The following AHCYL2 variants were observed in gnomAD, a reference collection of about 807,000 sequenced individuals.
AHCYL2 encodes the protein S-adenosylhomocysteine hydrolase-like protein 2.
In AHCYL2, 28 loss-of-function variants were observed where a neutral mutation model predicts 81.4. The ratio of observed to expected loss-of-function variants is 0.34; its 90% CI spans 0.25 to 0.47. The LOEUF (loss-of-function observed/expected upper bound fraction) is 0.47, where lower values mean the gene tolerates loss of function less well. AHCYL2 is among the 20% of genes least tolerant of loss of function. The pLI is 1.00. For synonymous variants in AHCYL2, 272 were observed against 290.2 expected (o/e 0.94, Z 0.64); for missense variants, 551 against 785.1 (o/e 0.70, Z 3.56).
At chr7:129,236,400 G>A (rs1157269567) in intron 1 of AHCYL2, among the ~76,000 whole-genome samples, 1 of 151,778 alleles carries the variant, frequency 6.6e-6, no homozygotes, top group Non-Finnish European at 1.5e-5. Flanking sequence ...GAGGTTTCAC[G>A]GTGTTGCCCA....
chr7:129,345,608 C>T (rs542963935), intron 1 of AHCYL2, among the ~76,000 whole-genome samples: 2 of 151,998 alleles, frequency 1.3e-5, no homozygotes, highest in Non-Finnish European at 2.9e-5. Flanking sequence ...TAGTCTAGAC[C>T]GTTGATGACT....
chr7:129,425,189 T>C (rs1176271538), intron 15 of AHCYL2, 48 bp downstream of exon 15: 2 of 1,566,590 alleles, frequency 1.3e-6, no homozygotes, highest in Non-Finnish European at 8.7e-7. Flanking sequence ...TAGTTCAGAG[T>C]CTGAGGTTAA....
chr7:129,327,169 G>A (rs1053603545), intron 1 of AHCYL2, among the ~76,000 whole-genome samples: 10 of 152,178 alleles, frequency 6.6e-5, no homozygotes, highest in Admixed American at 2.0e-4. Flanking sequence ...TTGGGAGGTA[G>A]TTAGGTTTAA....
intron 1 of AHCYL2, among the ~76,000 whole-genome samples, chr7:129,338,876 T>C (rs942640412): frequency 2.0e-5 from 3 of 152,274 alleles, no homozygotes; most frequent in Admixed American, 1.3e-4. Flanking sequence ...TAGTGTCTTA[T>C]GTAGTTTGTG....
At chr7:129,421,273 G>A (rs569660234) in intron 12 of AHCYL2, among the ~76,000 whole-genome samples, 51 of 151,262 alleles carry the variant, frequency 3.4e-4, no homozygotes, top group Non-Finnish European at 4.7e-4. Context: ...AAAGAATAGT[G>A]AATGGTTTTC....
In AHCYL2 at chr7:129,423,688, T is replaced by C. The variant is rs191945850; in HGVS notation, c.1560+750T>C. Among the ~76,000 whole-genome samples the C allele has an allele frequency of 6.0e-3, 914 of 152,318 alleles. 7 individuals are homozygous for C. Among genetic ancestry groups the C allele is most frequent in the African/African-American group, 0.021 (864 of 41,562 alleles). On this transcript the variant is annotated intron_variant, in intron 13 of 16. Coordinates refer to ENST00000325006, the MANE Select transcript of AHCYL2 (RefSeq NM_015328.4). ...ATTTTGATTTTCAGTTGGTTTTTTTTCTTTTTTTATATTAAAGAACCTGAA... is the reference window on the plus strand; with the variant it reads ...ATTTTGATTTTCAGTTGGTTTTTTTCCTTTTTTTATATTAAAGAACCTGAA...
intron 1 of AHCYL2, among the ~76,000 whole-genome samples, chr7:129,295,359 C>T (rs1319989221): frequency 2.6e-5 from 4 of 152,154 alleles, no homozygotes; most frequent in Non-Finnish European, 5.9e-5. Flanking sequence ...AAAAATGTTA[C>T]GTATGAGTCA....
At chr7:129,359,013 G>A (rs748674073) in intron 1 of AHCYL2, among the ~76,000 whole-genome samples, 23 of 152,062 alleles carry the variant, frequency 1.5e-4, no homozygotes, top group Non-Finnish European at 2.5e-4. Context: ...ATATATATCC[G>A]TAGAAATATT....
At chr7:129,345,224 G>T (rs1018472031) in intron 1 of AHCYL2, among the ~76,000 whole-genome samples, 2 of 152,192 alleles carry the variant, frequency 1.3e-5, no homozygotes, top group Non-Finnish European at 2.9e-5. Context: ...ATTGGAAAGG[G>T]AGAGAGTTTA....
At chr7:129,260,138 T>TTA (rs35749606) in intron 1 of AHCYL2, among the ~76,000 whole-genome samples, 3,734 of 152,126 alleles carry the variant, frequency 0.025, 76 homozygotes, top group Admixed American at 0.057. Flanking sequence ...TGTGCCTTAG[T>TTA]TATGCCTGCT....
In AHCYL2 at chr7:129,245,273, C is replaced by T. The variant is rs553819975; in HGVS notation, c.363+19834C>T. ...CTCCTGACCTCAGGTGATCGACCTG[C>T]CTCAGCCTCCCAAAGTGCTGGGATT... On this transcript the variant is annotated intron_variant, in intron 1 of 16. Transcript: ENST00000325006. Among the ~76,000 whole-genome samples, 14 of 152,264 alleles carry T rather than the reference C, an allele frequency of 9.2e-5. No homozygotes were observed. In the South Asian group the frequency reaches 2.5e-3, roughly 27 times the overall value.
At chr7:129,413,481 G>C in intron 11 of AHCYL2, 113 bp from the exon 12 acceptor site, 1 of 882,542 alleles carries the variant, frequency 1.1e-6, no homozygotes. Context: ...TTATTGGGTT[G>C]TAAGAATTCC....
intron 5 of AHCYL2, 112 bp downstream of exon 5, chr7:129,397,436 GA>G: frequency 9.6e-7 from 1 of 1,044,424 alleles, no homozygotes; most frequent in Non-Finnish European, 1.4e-6. Context: ...TATCTTGGAA[GA>G]AATGGATCTC....
chr7:129,404,774 A>G (rs575278116), intron 7 of AHCYL2, among the ~76,000 whole-genome samples: 2 of 152,260 alleles, frequency 1.3e-5, no homozygotes, highest in South Asian at 2.1e-4. Flanking sequence ...TTTAGTGAAC[A>G]TTGTACCTAG....
chr7:129,301,734 G>T (rs1475084538), intron 1 of AHCYL2, among the ~76,000 whole-genome samples: 3 of 152,102 alleles, frequency 2.0e-5, no homozygotes, highest in African/African-American at 7.2e-5. Flanking sequence ...CTGTTTTTAT[G>T]CCAGTACCAT....
chr7:129,412,721 G>A (rs1018497570), intron 11 of AHCYL2, among the ~76,000 whole-genome samples: 1 of 152,152 alleles, frequency 6.6e-6, no homozygotes, highest in African/African-American at 2.4e-5. Context: ...AGCGTAGAGT[G>A]GTACCTCATT....
At chr7:129,306,243 T>C (rs1235554618) in intron 1 of AHCYL2, among the ~76,000 whole-genome samples, 1 of 152,218 alleles carries the variant, frequency 6.6e-6, no homozygotes, top group African/African-American at 2.4e-5. Flanking sequence ...TTTGAGGCTA[T>C]GTTCTAGATC....
At chr7:129,315,133 TA>T (rs879834300) in intron 1 of AHCYL2, among the ~76,000 whole-genome samples, 1 of 152,164 alleles carries the variant, frequency 6.6e-6, no homozygotes, top group Non-Finnish European at 1.5e-5. Context: ...TTACCTGGAC[TA>T]TTGCAGCTGA....
chr7:129,341,320 G>A (rs1330902096), intron 1 of AHCYL2, among the ~76,000 whole-genome samples: 5 of 152,180 alleles, frequency 3.3e-5, no homozygotes, highest in African/African-American at 1.2e-4. Flanking sequence ...TAGTTAGCAA[G>A]GTTTGTTTGT....
Sources: gnomAD v4.1 joint callset for allele counts (sites outside exome capture counted in the v4.1 genomes callset) on GRCh38, gnomAD v4.1.1 for gene constraint, MANE v1.5 for transcripts, NCBI Gene and HGNC (gene_info 2026-07-23, HGNC 2026-07-21) for gene names.